The following KCNIP1 variants were observed in gnomAD, a reference collection of about 807,000 sequenced individuals.
KCNIP1 encodes the protein potassium voltage-gated channel interacting protein 1, also known as A-type potassium channel modulatory protein KCNIP1.
KCNIP1 carries 18 observed loss-of-function variants against 33.0 expected under a neutral mutation model. The ratio of observed to expected loss-of-function variants is 0.55; its 90% CI spans 0.38 to 0.81. The LOEUF (loss-of-function observed/expected upper bound fraction) is 0.81. Ranked by LOEUF, KCNIP1 falls within the 30% of genes least tolerant of loss-of-function variation. KCNIP1 has a pLI of 0.00. For missense variants in KCNIP1, 238 were observed against 271.6 expected, an observed-to-expected ratio of 0.88 and a Z score of 0.87; for synonymous variants, 93 against 98.3, an observed-to-expected ratio of 0.95 and a Z score of 0.32.
chr5:170,591,200 G>A (rs1355232993), intron 1 of KCNIP1, among the ~76,000 whole-genome samples: 1 of 152,226 alleles, frequency 6.6e-6, no homozygotes, highest in East Asian at 1.9e-4. Flanking sequence ...CTCACTTCCT[G>A]CTTCCCTGAG....
rs184704838 is a variant in KCNIP1, at chr5:170,424,134, C to A, written c.88+70170C>A. 1.2e-3 allele frequency among the ~76,000 whole-genome samples: 184 copies of A among 152,334 alleles called. 1 individual carries two copies. The highest frequency in any genetic ancestry group is 2.1e-3 in the Non-Finnish European group (141 of 68,034). On this transcript the variant is annotated intron_variant, in intron 1 of 7. Transcript: ENST00000377360. ...CTTTTTCTTCTGCTGCTGACATTTC[C>A]ATTACTAGGGAGCTTCTCAGACATG... is the stretch of plus-strand genomic sequence containing the variant.
At chr5:170,574,997 A>G (rs1757548802) in intron 1 of KCNIP1, among the ~76,000 whole-genome samples, 2 of 152,200 alleles carry the variant, frequency 1.3e-5, no homozygotes, top group Non-Finnish European at 2.9e-5. Flanking sequence ...ACAGCTTTCC[A>G]GCAGTTCCAG....
At chr5:170,417,186 T>A (rs113550771) in intron 1 of KCNIP1, among the ~76,000 whole-genome samples, 1 of 152,234 alleles carries the variant, frequency 6.6e-6, no homozygotes, top group South Asian at 2.1e-4. Context: ...TAAAAAGACA[T>A]CTAAATCATA....
intron 2 of KCNIP1, among the ~76,000 whole-genome samples, chr5:170,719,360 C>T (rs1763741575): frequency 6.6e-6 from 1 of 152,154 alleles, no homozygotes; most frequent in Non-Finnish European, 1.5e-5. Context: ...TCCTTGGAAG[C>T]CACATGGAAG....
In KCNIP1 at chr5:170,481,831, A is replaced by G. The variant is rs978340936; in HGVS notation, c.88+127867A>G. On this transcript the variant is annotated intron_variant, in intron 1 of 7. Coordinates refer to the KCNIP1 transcript ENST00000377360. ...TTATAGCAATCGCTCTTTATAGTTTATTTCATAGTGACAAGAAGGAACTCA... is the reference window on the plus strand; with the variant it reads ...TTATAGCAATCGCTCTTTATAGTTTGTTTCATAGTGACAAGAAGGAACTCA... Among the ~76,000 whole-genome samples the G allele has an allele frequency of 2.0e-5, 3 of 152,146 alleles. No homozygotes were observed. In the East Asian group the frequency reaches 5.8e-4, roughly 29 times the overall value.
At chr5:170,390,361 T>C (rs7722205) in intron 1 of KCNIP1, among the ~76,000 whole-genome samples, 88,832 of 150,324 alleles carry the variant, frequency 0.59, 26,812 homozygotes, top group African/African-American at 0.64. Flanking sequence ...CAAAAATTAG[T>C]CGGGCATAGT....
At chr5:170,367,349 A>AGGAAAGAAGGAAGGAAGGAAAGAAAG (rs372538602) in intron 1 of KCNIP1, among the ~76,000 whole-genome samples, 4 of 76,890 alleles carry the variant, frequency 5.2e-5, no homozygotes, top group East Asian at 3.9e-4. Flanking sequence ...GAAGGAAAGA[A>AGGAAAGAAGGAAGGAAGGAAAGAAAG]AAAGAAAGAA....
At chr5:170,595,806 G>A (rs1478685520) in intron 1 of KCNIP1, among the ~76,000 whole-genome samples, 2 of 152,212 alleles carry the variant, frequency 1.3e-5, no homozygotes, top group Admixed American at 1.3e-4. Context: ...ACTCCAAAGA[G>A]CCAAGCTCTT....
intron 1 of KCNIP1, among the ~76,000 whole-genome samples, chr5:170,597,261 T>G (rs1758471075): frequency 6.6e-6 from 1 of 152,166 alleles, no homozygotes; most frequent in African/African-American, 2.4e-5. Context: ...AGCAATCCTA[T>G]GACTCAAACC....
At chr5:170,368,958 A>G (rs534672462) in intron 1 of KCNIP1, among the ~76,000 whole-genome samples, 1 of 152,256 alleles carries the variant, frequency 6.6e-6, no homozygotes, top group South Asian at 2.1e-4. Flanking sequence ...TCGCATGTGC[A>G]CAGAGAGAGA....
At chr5:170,433,655 C>A (rs1405020938) in intron 1 of KCNIP1, among the ~76,000 whole-genome samples, 1 of 152,184 alleles carries the variant, frequency 6.6e-6, no homozygotes. Flanking sequence ...TTGTCATCAC[C>A]ACTACATCTG....
At chr5:170,679,473 T>G (rs1327786575) in intron 1 of KCNIP1, among the ~76,000 whole-genome samples, 1 of 152,104 alleles carries the variant, frequency 6.6e-6, no homozygotes, top group Non-Finnish European at 1.5e-5. Flanking sequence ...GCATTCACAT[T>G]CAGTTATTGT....
At chr5:170,366,878 C>T (rs576719963) in intron 1 of KCNIP1, among the ~76,000 whole-genome samples, 62 of 152,208 alleles carry the variant, frequency 4.1e-4, no homozygotes, top group Non-Finnish European at 7.5e-4. Context: ...TTCATCTCTG[C>T]ACTCTCCCCT....
chr5:170,441,562 G>T (rs1755990199), intron 1 of KCNIP1, among the ~76,000 whole-genome samples: 2 of 152,198 alleles, frequency 1.3e-5, no homozygotes, highest in South Asian at 4.1e-4. Flanking sequence ...GAGAAGCCCA[G>T]GAGGCAAGAG....
chr5:170,695,934 G>A (rs1762876382), intron 1 of KCNIP1, among the ~76,000 whole-genome samples: 1 of 150,324 alleles, frequency 6.7e-6, no homozygotes, highest in Non-Finnish European at 1.5e-5. Flanking sequence ...CAGGAGAATT[G>A]TTCGAACCAG....
chr5:170,383,774 C>G (rs771873575), intron 1 of KCNIP1: 20 of 1,613,932 alleles, frequency 1.2e-5, no homozygotes, highest in African/African-American at 4.0e-5. Context: ...TACTGGGGCA[C>G]CTTCTTGCCC....
At chr5:170,394,051 AGAGAGTTGCTGTAAGAGT>A (rs1414171135) in intron 1 of KCNIP1, among the ~76,000 whole-genome samples, 1 of 152,188 alleles carries the variant, frequency 6.6e-6, no homozygotes, top group African/African-American at 2.4e-5. Flanking sequence ...CACTGCTCAG[AGAGAGTTGCTGTAAGAGT>A]GGTGGTGGCC....
rs555550397 is a variant in KCNIP1, at chr5:170,393,564, G to A, written c.88+39600G>A. ...AGATTTCCTCAACTACAAAAATACA[G>A]AACAGAAAGTGAAAGATGTGTTTTA... On this transcript the variant is annotated intron_variant, in intron 1 of 7. Transcript: ENST00000377360. Among the ~76,000 whole-genome samples, 18 of 152,280 alleles carry A rather than the reference G, an allele frequency of 1.2e-4. No homozygotes were observed. The South Asian group carries it at 1.9e-3, about 16-fold the overall frequency.
chr5:170,457,562 C>T (rs1292390922), intron 1 of KCNIP1, among the ~76,000 whole-genome samples: 1 of 152,220 alleles, frequency 6.6e-6, no homozygotes, highest in Non-Finnish European at 1.5e-5. Context: ...ACCTGGTAGA[C>T]ATCCTGGGTG....
Sources: gnomAD v4.1 joint callset for allele counts (sites outside exome capture counted in the v4.1 genomes callset) on GRCh38, gnomAD v4.1.1 for gene constraint, MANE v1.5 for transcripts, NCBI Gene and HGNC (gene_info 2026-07-23, HGNC 2026-07-21) for gene names.